PBX4: variants seen among roughly 807,000 people sequenced by gnomAD.
The protein encoded by PBX4 is PBX homeobox 4.
In PBX4, 26 loss-of-function variants were observed where a neutral mutation model predicts 35.1. That is an observed-to-expected ratio of 0.74 (90% CI 0.54 to 1.03). The LOEUF (loss-of-function observed/expected upper bound fraction) is 1.03. Among genes scored for constraint, PBX4 ranks in the 50% least tolerant of loss-of-function variants. PBX4 has a pLI of 0.00. For missense variants in PBX4, 448 were observed against 504.3 expected (o/e 0.89, Z 1.07); for synonymous variants, 199 against 204.2 (o/e 0.97, Z 0.22).
chr19:19,599,596 G>A (rs2061583895), intron 1 of PBX4, among the ~76,000 whole-genome samples: 1 of 152,122 alleles, frequency 6.6e-6, no homozygotes, highest in African/African-American at 2.4e-5. Context: ...CCAGCACTTT[G>A]GGAGGTCGAG....
At chr19:19,602,511 G>A (rs552332478) in intron 1 of PBX4, among the ~76,000 whole-genome samples, 25 of 152,146 alleles carry the variant, frequency 1.6e-4, no homozygotes, top group Non-Finnish European at 3.2e-4. Context: ...GGACTGCAGT[G>A]GCCATGCTGT....
intron 1 of PBX4, among the ~76,000 whole-genome samples, chr19:19,604,476 A>AAAAAAAAAAT (rs1290487105): frequency 6.6e-6 from 1 of 151,556 alleles, no homozygotes; most frequent in African/African-American, 2.4e-5. Context: ...CAAAAAAAAA[A>AAAAAAAAAAT]AAGGAATACA....
intron 2 of PBX4, among the ~76,000 whole-genome samples, chr19:19,582,169 A>G (rs1489908020): frequency 6.6e-6 from 1 of 152,078 alleles, no homozygotes; most frequent in African/African-American, 2.4e-5. Flanking sequence ...CTCACCTCTC[A>G]GCTCCAATCT....
intron 2 of PBX4, among the ~76,000 whole-genome samples, chr19:19,592,222 A>C (rs988099763): frequency 6.6e-6 from 1 of 152,188 alleles, no homozygotes; most frequent in Admixed American, 6.5e-5. Context: ...CGAATTCTGC[A>C]ACATACCTAG....
chr19:19,605,092 G>A (rs1230730872), intron 1 of PBX4, among the ~76,000 whole-genome samples: 2 of 151,424 alleles, frequency 1.3e-5, no homozygotes, highest in African/African-American at 4.8e-5. Context: ...GAAGAAACCT[G>A]GGGAACATGG....
chr19:19,603,307 C>CT lies in PBX4; in HGVS notation c.120-3943dup, dbSNP rs957610925. ...AGGGTAAGTCAAAGGGGTTTTTTTT[C>CT]TTTTTTTCTTTTTTTTCTTTTTGAG... On this transcript the variant is annotated intron_variant, in intron 1 of 7. Coordinates refer to ENST00000251203, the MANE Select transcript of PBX4 (RefSeq NM_025245.3). 8.1e-4 allele frequency among the ~76,000 whole-genome samples: 123 copies of CT among 152,024 alleles called. 2 individuals carry two copies. The highest frequency in any genetic ancestry group is 1.4e-3 in the Admixed American group (22 of 15,270).
At chr19:19,587,559 GC>G (rs1266089085) in intron 2 of PBX4, among the ~76,000 whole-genome samples, 2 of 141,224 alleles carry the variant, frequency 1.4e-5, no homozygotes, top group Non-Finnish European at 3.0e-5. Flanking sequence ...TTGCACTCCA[GC>G]CTGGGTGACA....
rs536344269 is a variant in PBX4 at position 19,577,002 on chromosome 19, C to T, written c.194-6169G>A. ...AATTACAGTGAGAGGCTGAGGCGGG[C>T]GAATCACTTAAGGTCAAAAGTTCAA... On this transcript the variant is annotated intron_variant, in intron 2 of 7. Coordinates refer to ENST00000251203, the MANE Select transcript of PBX4 (RefSeq NM_025245.3). 8.6e-5 allele frequency among the ~76,000 whole-genome samples: 13 copies of T among 151,962 alleles called. No individual in the cohort carries two copies. In the East Asian group the frequency reaches 2.3e-3, roughly 27 times the overall value.
At position 19,616,413 on chromosome 19, in the gene PBX4, T is replaced by C. The variant is rs574673396; in HGVS notation, c.119+2098A>G. ...CGCTTGAACCCAGGCACCTCCTGGA[T>C]TCAAGTGTTTCTCCTGCCTCAGCCT... On this transcript the variant is annotated intron_variant, in intron 1 of 7. Coordinates refer to ENST00000251203, the MANE Select transcript of PBX4 (RefSeq NM_025245.3). Among the ~76,000 whole-genome samples, 4 of 151,934 alleles carry C rather than the reference T, an allele frequency of 2.6e-5. No homozygotes were observed. In the East Asian group the frequency reaches 7.8e-4, roughly 30 times the overall value.
intron 2 of PBX4, among the ~76,000 whole-genome samples, chr19:19,576,534 A>AT (rs200606485): frequency 2.0e-5 from 3 of 150,820 alleles, no homozygotes; most frequent in Non-Finnish European, 3.0e-5. Context: ...AAAAAAAAAA[A>AT]TTTTTTTTTT....
Position 19,562,757 on chromosome 19 carries a change from T to C in PBX4, c.1033-640A>G, listed in dbSNP as rs2061315462. ...CACCTGGGGGCACTCTGCTCTGAAC[T>C]GGGGTGGACACACAGCTGCTGGCGC... On this transcript the variant is annotated intron_variant, in intron 7 of 7. Transcript: ENST00000251203. The surrounding 1 kb of genome is among the most constrained non-coding windows in gnomAD (Gnocchi z 4.8). Among the ~76,000 whole-genome samples, 1 of 152,120 alleles carries C rather than the reference T, an allele frequency of 6.6e-6. No homozygotes were observed. The highest frequency in any genetic ancestry group is 1.5e-5 in the Non-Finnish European group (1 of 68,008).
chr19:19,618,085 G>A (rs1008665339), intron 1 of PBX4, among the ~76,000 whole-genome samples: 2 of 152,044 alleles, frequency 1.3e-5, no homozygotes, highest in Non-Finnish European at 2.9e-5. Context: ...CAACTGAGCC[G>A]GGGAGGTGGA....
At chr19:19,574,514 A>G (rs1158411297) in intron 2 of PBX4, among the ~76,000 whole-genome samples, 2 of 151,798 alleles carry the variant, frequency 1.3e-5, no homozygotes, top group African/African-American at 4.8e-5. Flanking sequence ...GACCCTCCTC[A>G]CCGGCTCACT....
At chr19:19,574,518 GCTCA>G (rs2061406850) in intron 2 of PBX4, among the ~76,000 whole-genome samples, 1 of 152,068 alleles carries the variant, frequency 6.6e-6, no homozygotes, top group African/African-American at 2.4e-5. Flanking sequence ...CTCCTCACCG[GCTCA>G]CTCAGTCTCT....
chr19:19,588,137 G>T (rs944141470), intron 2 of PBX4: 37 of 1,131,826 alleles, frequency 3.3e-5, no homozygotes, highest in Non-Finnish European at 4.8e-5. Context: ...AGAGGTCTTA[G>T]AGCTCCCCAA....
intron 2 of PBX4, among the ~76,000 whole-genome samples, chr19:19,594,676 C>CT (rs1320015734): frequency 2.6e-5 from 4 of 152,140 alleles, no homozygotes; most frequent in African/African-American, 9.7e-5. Context: ...CAGCAGCTCA[C>CT]TGGTAGGAAG....
intron 2 of PBX4, among the ~76,000 whole-genome samples, chr19:19,598,887 C>CAGCTCT (rs2061576938): frequency 6.7e-6 from 1 of 150,014 alleles, no homozygotes; most frequent in Admixed American, 6.6e-5. Flanking sequence ...TGTGCTGCCG[C>CAGCTCT]AGCTCTAGTC....
chr19:19,589,694 C>T (rs1319808767), intron 2 of PBX4, among the ~76,000 whole-genome samples: 3 of 151,936 alleles, frequency 2.0e-5, no homozygotes, highest in Non-Finnish European at 2.9e-5. Context: ...CGCTTGAACC[C>T]GGGAAGTGGA....
chr19:19,586,558 C>A (rs979399593), intron 2 of PBX4, among the ~76,000 whole-genome samples: 2 of 151,990 alleles, frequency 1.3e-5, no homozygotes, highest in African/African-American at 4.8e-5. Context: ...ATATATAGTG[C>A]TGTAATATAT....
Sources: gnomAD v4.1 joint callset for allele counts (sites outside exome capture counted in the v4.1 genomes callset) on GRCh38, gnomAD v4.1.1 for gene constraint, Gnocchi (gnomAD v3.1) non-coding constraint, MANE v1.5 for transcripts, NCBI Gene and HGNC (gene_info 2026-07-23, HGNC 2026-07-21) for gene names.